Variants in CREB1 observed in about 807,000 individuals in gnomAD.
The protein encoded by CREB1 is cyclic AMP-responsive element-binding protein 1.
Under a neutral mutation model 42.0 loss-of-function variants are expected in CREB1, and 2 were observed. The observed-to-expected ratio is 0.05, with a 90% CI of 0.02 to 0.15. CREB1 has a LOEUF of 0.15. Ranked by LOEUF, CREB1 falls within the 10% of genes least tolerant of loss-of-function variation. The pLI, the probability that CREB1 is intolerant of heterozygous loss-of-function variation, is 1.00. For synonymous variants in CREB1, 123 were observed against 139.9 expected, an observed-to-expected ratio of 0.88 and a Z score of 0.85; for missense variants, 199 against 388.9, an observed-to-expected ratio of 0.51 and a Z score of 4.11.
chr2:207,543,233 A>G (rs1034925201), intron 1 of CREB1, among the ~76,000 whole-genome samples: 3 of 152,198 alleles, frequency 2.0e-5, no homozygotes, highest in Non-Finnish European at 4.4e-5. Context: ...TTTTTCCCCC[A>G]AATATCTTTG....
intron 7 of CREB1, chr2:207,577,868 G>A (rs1233115377): frequency 1.9e-6 from 1 of 535,378 alleles, no homozygotes; most frequent in Admixed American, 3.1e-5. Context: ...TCGTGGAGTA[G>A]TTTTCTTTCA....
chr2:207,534,757 A>C (rs563046796), intron 1 of CREB1: 1 of 152,348 alleles, frequency 6.6e-6, no homozygotes, highest in East Asian at 1.9e-4. Flanking sequence ...CTATAATTCA[A>C]AACATAATAA....
chr2:207,599,514 A>G lies in CREB1; in HGVS notation c.*2456A>G, dbSNP rs576414289. 5.1e-6 allele frequency: 1 copy of G among 195,750 alleles called. No homozygotes were observed. The highest frequency in any genetic ancestry group is 8.0e-5 in the East Asian group (1 of 12,426). The allele number at this position is 195,750 out of a possible 1,614,324, so 12.1% of individuals were successfully genotyped here. ...CAATCACATTCATGTGAGCTGGATG[A>G]ATTTATAAGTTATAAAGACCTTATC... On this transcript the variant is annotated 3_prime_UTR_variant, in exon 8 of 8. Coordinates refer to ENST00000353267, the MANE Select transcript of CREB1 (RefSeq NM_004379.5).
intron 3 of CREB1, among the ~76,000 whole-genome samples, chr2:207,564,991 G>T (rs2106511086): frequency 6.6e-6 from 1 of 151,376 alleles, no homozygotes; most frequent in Non-Finnish European, 1.5e-5. Flanking sequence ...TATAAAAATA[G>T]ATTTTTGACA....
chr2:207,579,766 A>G (rs2082773895), intron 7 of CREB1, among the ~76,000 whole-genome samples: 1 of 152,050 alleles, frequency 6.6e-6, no homozygotes, highest in East Asian at 1.9e-4. Flanking sequence ...GCCTCCATTC[A>G]CTGGAATCTG....
At position 207,602,068 on chromosome 2, in the gene CREB1, A is replaced by G. The variant is rs1428071876; in HGVS notation, c.*5010A>G. The stretch of plus-strand genomic sequence containing the variant: ...CAAATAAACAGGGTGCTGAAGTTCC[A>G]TCTGTCTCATCTGCTTATGATAAGT... On this transcript the variant is annotated 3_prime_UTR_variant, in exon 8 of 8. Transcript: ENST00000353267. 6 of 204,770 alleles carry G rather than the reference A, an allele frequency of 2.9e-5. No homozygotes were observed. The highest frequency in any genetic ancestry group is 6.0e-5 in the Non-Finnish European group (6 of 100,150). 12.7% of individuals were successfully genotyped at this position (204,770 alleles called of 1,614,324 possible).
chr2:207,559,267 TAAC>T (rs1218184933), intron 2 of CREB1: 9 of 974,916 alleles, frequency 9.2e-6, no homozygotes, highest in African/African-American at 5.2e-5. Context: ...TAAGTAATAA[TAAC>T]AAGTCTAACT....
At chr2:207,582,849 C>T in intron 7 of CREB1, 1 of 335,652 alleles carries the variant, frequency 3.0e-6, no homozygotes, top group South Asian at 2.3e-5. Context: ...GCTGAGATGG[C>T]ACTACTACTC....
intron 1 of CREB1, among the ~76,000 whole-genome samples, chr2:207,538,626 G>A (rs2106356100): frequency 6.6e-6 from 1 of 152,256 alleles, no homozygotes; most frequent in African/African-American, 2.4e-5. Flanking sequence ...TTGATGGTGA[G>A]TTTTTTCTGA....
chr2:207,582,203 AACC>A (rs1273511866), intron 7 of CREB1: 1 of 702,860 alleles, frequency 1.4e-6, no homozygotes, highest in Admixed American at 2.0e-5. Flanking sequence ...CATATGTTAA[AACC>A]ACCACAGTAA....
At chr2:207,566,681 C>G (rs1407631866) in intron 3 of CREB1, among the ~76,000 whole-genome samples, 1 of 152,072 alleles carries the variant, frequency 6.6e-6, no homozygotes, top group Non-Finnish European at 1.5e-5. Flanking sequence ...CTTCTTTGTG[C>G]CTTAGTTCTT....
intron 5 of CREB1, among the ~76,000 whole-genome samples, chr2:207,572,380 TAATA>T (rs917552138): frequency 5.8e-4 from 88 of 152,296 alleles, no homozygotes; most frequent in Non-Finnish European, 9.6e-4. Context: ...AAGAGCAATA[TAATA>T]AATACATATA....
intron 4 of CREB1, among the ~76,000 whole-genome samples, chr2:207,568,840 T>A (rs375056034): frequency 1.4e-5 from 2 of 146,702 alleles, no homozygotes; most frequent in Non-Finnish European, 3.0e-5. Flanking sequence ...TTGATCTTTA[T>A]TTTTTTTTCT....
At chr2:207,591,946 C>T (rs1326527301) in intron 7 of CREB1, among the ~76,000 whole-genome samples, 1 of 151,964 alleles carries the variant, frequency 6.6e-6, no homozygotes, top group African/African-American at 2.4e-5. Context: ...TTTCAATTGT[C>T]TTCATTTCCT....
chr2:207,561,009 C>T (rs1239578339), intron 3 of CREB1: 8 of 929,040 alleles, frequency 8.6e-6, no homozygotes, highest in Non-Finnish European at 1.4e-5. Context: ...CTGTAGGGAA[C>T]CGAGAGCAGT....
At chr2:207,568,344 A>G (rs1223467342) in intron 4 of CREB1, among the ~76,000 whole-genome samples, 1 of 152,124 alleles carries the variant, frequency 6.6e-6, no homozygotes, top group Non-Finnish European at 1.5e-5. Context: ...GAGGTCTAAG[A>G]AATTTTATAT....
At chr2:207,547,823 AAAC>A (rs996972598) in intron 1 of CREB1, among the ~76,000 whole-genome samples, 4 of 152,144 alleles carry the variant, frequency 2.6e-5, no homozygotes, top group African/African-American at 9.7e-5. Flanking sequence ...AACAAACAAA[AAAC>A]TTTAAGAAAG....
chr2:207,552,193 G>A (rs1228268082), intron 1 of CREB1, among the ~76,000 whole-genome samples: 1 of 152,074 alleles, frequency 6.6e-6, no homozygotes, highest in African/African-American at 2.4e-5. Flanking sequence ...ATCGAGTTGT[G>A]GAGGGAAGAG....
chr2:207,593,057 T>C (rs1231486960), intron 7 of CREB1, among the ~76,000 whole-genome samples: 3 of 152,240 alleles, frequency 2.0e-5, no homozygotes, highest in African/African-American at 7.2e-5. Context: ...TCAAGTTCAC[T>C]GATTGTTTCC....
Sources: gnomAD v4.1 joint callset for allele counts (sites outside exome capture counted in the v4.1 genomes callset) on GRCh38, gnomAD v4.1.1 for gene constraint, MANE v1.5 for transcripts, NCBI Gene and HGNC (gene_info 2026-07-23, HGNC 2026-07-21) for gene names.